SLC24A3: variants seen among roughly 807,000 people sequenced by gnomAD.
SLC24A3 encodes solute carrier family 24 member 3.
Under a neutral mutation model 75.8 loss-of-function variants are expected in SLC24A3, and 28 were observed. That is an observed-to-expected ratio of 0.37 (90% CI 0.27 to 0.51). SLC24A3 has a LOEUF of 0.51. Among genes scored for constraint, SLC24A3 ranks in the 20% least tolerant of loss-of-function variants. The pLI, the probability that SLC24A3 is intolerant of heterozygous loss-of-function variation, is 0.94. For synonymous variants in SLC24A3, 372 were observed against 334.1 expected, an observed-to-expected ratio of 1.11 and a Z score of -1.24; for missense variants, 663 against 847.8, an observed-to-expected ratio of 0.78 and a Z score of 2.71.
At chr20:19,444,215 C>G (rs1056917165) in intron 2 of SLC24A3, among the ~76,000 whole-genome samples, 1 of 151,972 alleles carries the variant, frequency 6.6e-6, no homozygotes, top group Non-Finnish European at 1.5e-5. Context: ...TTTTATATAC[C>G]TCATTGGATT....
chr20:19,414,435 T>C (rs1440542803), intron 2 of SLC24A3, among the ~76,000 whole-genome samples: 1 of 152,232 alleles, frequency 6.6e-6, no homozygotes, highest in Non-Finnish European at 1.5e-5. Flanking sequence ...GCTCAATGAA[T>C]ATGGCTTATC....
At chr20:19,419,439 G>A (rs1600473485) in intron 2 of SLC24A3, among the ~76,000 whole-genome samples, 1 of 152,018 alleles carries the variant, frequency 6.6e-6, no homozygotes. Flanking sequence ...TACACTGAAT[G>A]CAAGGACCGG....
chr20:19,309,824 GA>G (rs67017022), intron 2 of SLC24A3, among the ~76,000 whole-genome samples: 23,420 of 152,080 alleles, frequency 0.15, 4,412 homozygotes, highest in African/African-American at 0.43. Context: ...TCATTTGGGG[GA>G]ATGTGAAGAC....
At chr20:19,232,879 A>G (rs1982061873) in intron 1 of SLC24A3, among the ~76,000 whole-genome samples, 2 of 152,208 alleles carry the variant, frequency 1.3e-5, no homozygotes, top group Admixed American at 6.5e-5. Context: ...CAGAACCTCT[A>G]TGACAAGTGT....
intron 6 of SLC24A3, among the ~76,000 whole-genome samples, chr20:19,618,163 C>G (rs868337850): frequency 2.0e-5 from 3 of 152,176 alleles, no homozygotes; most frequent in Non-Finnish European, 2.9e-5. Context: ...GCCCACTTTC[C>G]AGCCCCAGCA....
intron 6 of SLC24A3, among the ~76,000 whole-genome samples, chr20:19,587,483 C>T (rs1030046361): frequency 6.6e-6 from 1 of 152,178 alleles, no homozygotes; most frequent in Non-Finnish European, 1.5e-5. Context: ...GAAGTAACAA[C>T]CATGACTGTT....
intron 3 of SLC24A3, among the ~76,000 whole-genome samples, chr20:19,544,748 C>T (rs1204999495): frequency 6.6e-6 from 1 of 152,180 alleles, no homozygotes; most frequent in Non-Finnish European, 1.5e-5. Context: ...TCTCTCTCCA[C>T]ATTGGATCCA....
chr20:19,407,898 T>C (rs910505706), intron 2 of SLC24A3, among the ~76,000 whole-genome samples: 1 of 152,234 alleles, frequency 6.6e-6, no homozygotes, highest in Admixed American at 6.5e-5. Flanking sequence ...TTCGTGGTGG[T>C]TGGGACACAC....
At chr20:19,490,189 C>G (rs1176937309) in intron 2 of SLC24A3, among the ~76,000 whole-genome samples, 2 of 152,180 alleles carry the variant, frequency 1.3e-5, no homozygotes, top group African/African-American at 4.8e-5. Flanking sequence ...ATCTTTCACT[C>G]TAGATGGTAA....
chr20:19,681,825 T>C, intron 9 of SLC24A3, 33 bp from the exon 10 acceptor site: 1 of 1,613,578 alleles, frequency 6.2e-7, no homozygotes, highest in Non-Finnish European at 8.5e-7. Flanking sequence ...TGGAAAACAC[T>C]GATGGACTCT....
At chr20:19,599,827 A>C (rs970636312) in intron 6 of SLC24A3, among the ~76,000 whole-genome samples, 1 of 152,108 alleles carries the variant, frequency 6.6e-6, no homozygotes, top group East Asian at 1.9e-4. Context: ...TGTTCAGCCC[A>C]TCCTGTTCCT....
At chr20:19,404,340 A>G (rs1986604118) in intron 2 of SLC24A3, among the ~76,000 whole-genome samples, 2 of 152,166 alleles carry the variant, frequency 1.3e-5, no homozygotes, top group Admixed American at 1.3e-4. Flanking sequence ...AGTTGCAGAA[A>G]TCCTTAGGTT....
At chr20:19,238,422 T>G (rs1312180440) in intron 1 of SLC24A3, among the ~76,000 whole-genome samples, 1 of 152,234 alleles carries the variant, frequency 6.6e-6, no homozygotes, top group Admixed American at 6.5e-5. Flanking sequence ...CTCAGAACAT[T>G]CTTGTTCATG....
At chr20:19,544,931 A>G (rs2030562663) in intron 3 of SLC24A3, among the ~76,000 whole-genome samples, 1 of 152,238 alleles carries the variant, frequency 6.6e-6, no homozygotes, top group African/African-American at 2.4e-5. Context: ...AATAAGGGAA[A>G]CGAGCAGGGA....
At chr20:19,452,817 C>T (rs1987510315) in intron 2 of SLC24A3, among the ~76,000 whole-genome samples, 1 of 151,858 alleles carries the variant, frequency 6.6e-6, no homozygotes, top group African/African-American at 2.4e-5. Flanking sequence ...GAGTTTAAGC[C>T]CAGCCTGGGC....
chr20:19,436,829 T>G (rs1438278945), intron 2 of SLC24A3, among the ~76,000 whole-genome samples: 1 of 152,128 alleles, frequency 6.6e-6, no homozygotes, highest in Non-Finnish European at 1.5e-5. Context: ...GCTAAGAAAC[T>G]GAGGGACCAT....
chr20:19,267,146 GGTA>G (rs1330953327), intron 1 of SLC24A3, among the ~76,000 whole-genome samples: 1 of 152,020 alleles, frequency 6.6e-6, no homozygotes, highest in African/African-American at 2.4e-5. Flanking sequence ...TTATATTTAT[GGTA>G]GTATCTTATT....
At chr20:19,502,895 C>T (rs1010250964) in intron 2 of SLC24A3, among the ~76,000 whole-genome samples, 2 of 136,240 alleles carry the variant, frequency 1.5e-5, no homozygotes, top group African/African-American at 5.4e-5. Flanking sequence ...AAAAAAATAG[C>T]TGGGCATGTT....
intron 2 of SLC24A3, among the ~76,000 whole-genome samples, chr20:19,324,765 C>T (rs758455910): frequency 1.1e-3 from 167 of 152,222 alleles, no homozygotes; most frequent in Non-Finnish European, 1.0e-3. Context: ...TTAACACAAT[C>T]TGAGATTTGG....
Sources: gnomAD v4.1 joint callset for allele counts (sites outside exome capture counted in the v4.1 genomes callset) on GRCh38, gnomAD v4.1.1 for gene constraint, MANE v1.5 for transcripts, NCBI Gene and HGNC (gene_info 2026-07-23, HGNC 2026-07-21) for gene names.